Variants in ZNF804A observed in about 807,000 individuals in gnomAD.
ZNF804A encodes zinc finger protein 804A.
Under a neutral mutation model 16.5 loss-of-function variants are expected in ZNF804A, and 2 were observed. The observed-to-expected ratio is 0.12, with a 90% CI of 0.05 to 0.38. ZNF804A has a LOEUF of 0.38. Ranked by LOEUF, ZNF804A falls within the 10% of genes least tolerant of loss-of-function variation. The probability of loss-of-function intolerance (pLI) is 0.99; values close to 1 mark genes in which losing one functional copy is unlikely to be tolerated. For synonymous variants in ZNF804A, 534 were observed against 489.6 expected (o/e 1.09, Z -1.20); for missense variants, 1,473 against 1,390.7 (o/e 1.06, Z -0.94).
At chr2:184,741,532 C>T (rs764280545) in intron 1 of ZNF804A, among the ~76,000 whole-genome samples, 16 of 152,078 alleles carry the variant, frequency 1.1e-4, no homozygotes, top group Non-Finnish European at 1.9e-4. Context: ...CACCATAAAT[C>T]GCAGAATATC....
chr2:184,615,707 T>C (rs1196599490), intron 1 of ZNF804A, among the ~76,000 whole-genome samples: 1 of 152,084 alleles, frequency 6.6e-6, no homozygotes, highest in Non-Finnish European at 1.5e-5. Flanking sequence ...TAGGCAGTGA[T>C]ATAAGGAATG....
intron 1 of ZNF804A, among the ~76,000 whole-genome samples, chr2:184,808,343 A>T (rs187984111): frequency 9.8e-4 from 149 of 151,642 alleles, no homozygotes; most frequent in African/African-American, 3.5e-3. Flanking sequence ...AATACAACTT[A>T]TTTTATGTCT....
At chr2:184,877,127 G>A (rs1684705624) in intron 2 of ZNF804A, among the ~76,000 whole-genome samples, 1 of 151,806 alleles carries the variant, frequency 6.6e-6, no homozygotes, top group Non-Finnish European at 1.5e-5. Flanking sequence ...TTTACATGAT[G>A]ACTTGGTTGG....
chr2:184,756,897 GA>G (rs1693967214), intron 1 of ZNF804A, among the ~76,000 whole-genome samples: 2 of 151,978 alleles, frequency 1.3e-5, no homozygotes, highest in South Asian at 4.1e-4. Flanking sequence ...AGACAACTGG[GA>G]AAATGAGCAG....
At chr2:184,769,553 C>A (rs1297980394) in intron 1 of ZNF804A, among the ~76,000 whole-genome samples, 1 of 151,518 alleles carries the variant, frequency 6.6e-6, no homozygotes, top group African/African-American at 2.4e-5. Context: ...TTTATATAGG[C>A]GAAGAAATGG....
At chr2:184,741,744 G>A (rs554164514) in intron 1 of ZNF804A, among the ~76,000 whole-genome samples, 57 of 152,098 alleles carry the variant, frequency 3.7e-4, no homozygotes, top group African/African-American at 1.3e-3. Flanking sequence ...AAAATATACA[G>A]GTAATATTTG....
At chr2:184,778,766 A>T (rs1694330614) in intron 1 of ZNF804A, among the ~76,000 whole-genome samples, 1 of 151,646 alleles carries the variant, frequency 6.6e-6, no homozygotes, top group Non-Finnish European at 1.5e-5. Context: ...ACTGTCATTG[A>T]TGTTGGAGGT....
chr2:184,659,832 T>C (rs1241475886), intron 1 of ZNF804A, among the ~76,000 whole-genome samples: 1 of 152,218 alleles, frequency 6.6e-6, no homozygotes, highest in East Asian at 1.9e-4. Context: ...TAGAAAAGTG[T>C]AAGTACGAAG....
intron 1 of ZNF804A, among the ~76,000 whole-genome samples, chr2:184,795,011 C>T (rs1013398707): frequency 2.6e-5 from 4 of 152,052 alleles, no homozygotes; most frequent in Admixed American, 6.6e-5. Context: ...CTAGACAGGT[C>T]GTCAAGACAG....
intron 2 of ZNF804A, among the ~76,000 whole-genome samples, chr2:184,871,367 G>T (rs779068716): frequency 4.1e-5 from 6 of 145,728 alleles, no homozygotes; most frequent in Non-Finnish European, 7.5e-5. Context: ...TCTGGGTTAA[G>T]ATGAAAGCTG....
chr2:184,739,788 T>A (rs1003016545), intron 1 of ZNF804A, among the ~76,000 whole-genome samples: 1 of 152,204 alleles, frequency 6.6e-6, no homozygotes, highest in Non-Finnish European at 1.5e-5. Flanking sequence ...TAATCTCCCC[T>A]GCTCTTCAGA....
chr2:184,750,576 C>A lies in ZNF804A; in HGVS notation c.112-115793C>A, dbSNP rs554573625. On this transcript the variant is annotated intron_variant, in intron 1 of 3. Coordinates refer to ENST00000302277, the MANE Select transcript of ZNF804A (RefSeq NM_194250.2). The stretch of plus-strand genomic sequence containing the variant: ...TGTATACAACTTGGTGAGTTTGGAG[C>A]TAAGTATATACCTGTAAAAATGTCA... 2.0e-3 allele frequency among the ~76,000 whole-genome samples: 305 copies of A among 151,286 alleles called. 1 individual carries two copies. The highest frequency in any genetic ancestry group is 7.1e-3 in the African/African-American group (293 of 41,400).
intron 3 of ZNF804A, 55 bp downstream of exon 3, chr2:184,933,788 TA>T (rs888623242): frequency 5.1e-5 from 78 of 1,543,160 alleles, no homozygotes; most frequent in Admixed American, 4.4e-4. Context: ...AAAAGGGGTA[TA>T]GGGGGAGTCA....
intron 1 of ZNF804A, among the ~76,000 whole-genome samples, chr2:184,834,514 T>G (rs1180450547): frequency 2.0e-5 from 3 of 152,108 alleles, no homozygotes; most frequent in Non-Finnish European, 4.4e-5. Flanking sequence ...AGAAAATGTG[T>G]ATCTCTCATA....
chr2:184,637,207 G>T (rs1257238440), intron 1 of ZNF804A, among the ~76,000 whole-genome samples: 2 of 152,072 alleles, frequency 1.3e-5, no homozygotes, highest in African/African-American at 4.8e-5. Context: ...TGCTGTAGGT[G>T]GTTCCTTTAG....
At chr2:184,808,730 T>C (rs935584814) in intron 1 of ZNF804A, among the ~76,000 whole-genome samples, 1 of 151,710 alleles carries the variant, frequency 6.6e-6, no homozygotes, top group Non-Finnish European at 1.5e-5. Context: ...AAATTGGTTT[T>C]AGAATCCAGA....
At chr2:184,885,620 A>C (rs1319085873) in intron 2 of ZNF804A, among the ~76,000 whole-genome samples, 1 of 152,102 alleles carries the variant, frequency 6.6e-6, no homozygotes, top group East Asian at 1.9e-4. Context: ...GAAGAAAAAG[A>C]GGTTTATTTG....
intron 1 of ZNF804A, among the ~76,000 whole-genome samples, chr2:184,821,798 C>G (rs929014426): frequency 1.3e-5 from 2 of 151,844 alleles, no homozygotes; most frequent in African/African-American, 4.8e-5. Context: ...ATGCGGCCAA[C>G]AAACATGAAA....
At chr2:184,840,092 C>T (rs1303998393) in intron 1 of ZNF804A, among the ~76,000 whole-genome samples, 1 of 152,058 alleles carries the variant, frequency 6.6e-6, no homozygotes, top group Admixed American at 6.6e-5. Context: ...TTTGTTTTAG[C>T]TTCACCTAGG....
Sources: allele counts gnomAD v4.1 joint callset (sites outside exome capture counted in the v4.1 genomes callset), GRCh38; gene constraint gnomAD v4.1.1; transcripts MANE v1.5; gene names NCBI Gene and HGNC (gene_info 2026-07-23, HGNC 2026-07-21).